Variants in GABBR2 observed in about 807,000 individuals in gnomAD.
The protein encoded by GABBR2 is gamma-aminobutyric acid type B receptor subunit 2.
A neutral mutation model predicts 105.6 loss-of-function variants in GABBR2; 23 were observed. The observed-to-expected ratio is 0.22, with a 90% CI of 0.16 to 0.31. The LOEUF (loss-of-function observed/expected upper bound fraction) is 0.31, where lower values mean the gene tolerates loss of function less well. Among genes scored for constraint, GABBR2 ranks in the 10% least tolerant of loss-of-function variants. The pLI, the probability that GABBR2 is intolerant of heterozygous loss-of-function variation, is 1.00. For synonymous variants in GABBR2, 478 were observed against 499.7 expected (o/e 0.96, Z 0.58); for missense variants, 734 against 1,245.5 (o/e 0.59, Z 6.18).
intron 15 of GABBR2, among the ~76,000 whole-genome samples, chr9:98,305,540 C>T (rs917440630): frequency 2.0e-5 from 3 of 152,174 alleles, no homozygotes; most frequent in East Asian, 1.9e-4. Context: ...ATAGGCTGGG[C>T]GAGGTGGCTC....
chr9:98,366,371 G>T (rs576609374), intron 12 of GABBR2, among the ~76,000 whole-genome samples: 1 of 152,192 alleles, frequency 6.6e-6, no homozygotes, highest in Non-Finnish European at 1.5e-5. Flanking sequence ...GGAGGGTAAG[G>T]TAGAGAAGAG....
intron 13 of GABBR2, among the ~76,000 whole-genome samples, chr9:98,316,059 G>A (rs889843107): frequency 2.0e-5 from 3 of 152,224 alleles, no homozygotes; most frequent in Admixed American, 6.5e-5. Flanking sequence ...CTAAGCCCGG[G>A]CTTCGGCCTC....
At chr9:98,533,130 C>T (rs1384615127) in intron 3 of GABBR2, among the ~76,000 whole-genome samples, 1 of 152,220 alleles carries the variant, frequency 6.6e-6, no homozygotes, top group Non-Finnish European at 1.5e-5. Context: ...CCAGAACTGC[C>T]TGGCCCTTTG....
chr9:98,482,340 G>GA (rs763005713), intron 4 of GABBR2, among the ~76,000 whole-genome samples: 226 of 151,834 alleles, frequency 1.5e-3, no homozygotes, highest in African/African-American at 4.4e-3. Context: ...AAGAAGAGGG[G>GA]AAAAAAAACA....
At chr9:98,393,233 A>G (rs1832224960) in intron 9 of GABBR2, among the ~76,000 whole-genome samples, 1 of 144,132 alleles carries the variant, frequency 6.9e-6, no homozygotes. Flanking sequence ...CCAGCCATCC[A>G]TCTGTCCACC....
Position 98,454,805 on chromosome 9 carries a change from A to G in GABBR2, c.1000-588T>C, listed in dbSNP as rs62574623. Among the ~76,000 whole-genome samples, 1,708 of 136,010 alleles carry G rather than the reference A, an allele frequency of 0.013. 10 individuals are homozygous for G. Among genetic ancestry groups the G allele is most frequent in the Non-Finnish European group, 0.02 (1,291 of 63,736 alleles). 89.2% of individuals were successfully genotyped at this position (136,010 alleles called of 152,430 possible). A position where few individuals can be genotyped will look rare whatever the true frequency, so the allele number is the denominator to read the frequency against. On this transcript the variant is annotated intron_variant, in intron 6 of 18. Coordinates refer to ENST00000259455, the MANE Select transcript of GABBR2 (RefSeq NM_005458.8). The surrounding 1 kb of genome is among the most constrained non-coding windows in gnomAD (Gnocchi z 4.6). ...CCCCTCTCCATCCTGCAGCCCAGCC[A>G]GGCTCAGTCCATACCTCCTTCCCCT... is the stretch of plus-strand genomic sequence containing the variant.
intron 4 of GABBR2, among the ~76,000 whole-genome samples, chr9:98,482,605 C>G (rs2131645223): frequency 6.6e-6 from 1 of 152,240 alleles, no homozygotes; most frequent in South Asian, 2.1e-4. Flanking sequence ...TGTGCCAAAC[C>G]CTGTGTTGCT....
intron 12 of GABBR2, among the ~76,000 whole-genome samples, chr9:98,371,055 C>T (rs948896055): frequency 1.3e-5 from 2 of 152,114 alleles, no homozygotes; most frequent in Non-Finnish European, 2.9e-5. Flanking sequence ...AAGCCCTATG[C>T]CCCAGCCACA....
At chr9:98,571,484 G>A (rs1481808661) in intron 2 of GABBR2, among the ~76,000 whole-genome samples, 1 of 152,152 alleles carries the variant, frequency 6.6e-6, no homozygotes, top group African/African-American at 2.4e-5. Flanking sequence ...GTCTCCAGGG[G>A]CCAACAGCAT....
At chr9:98,491,228 T>C (rs527609199) in intron 4 of GABBR2, among the ~76,000 whole-genome samples, 15 of 152,354 alleles carry the variant, frequency 9.8e-5, no homozygotes, top group African/African-American at 3.4e-4. Flanking sequence ...CACCTGTATC[T>C]TGAACACGCT....
chr9:98,303,059 G>A lies in GABBR2; in HGVS notation c.2412+182C>T, dbSNP rs535623025. 2.0e-5 allele frequency among the ~76,000 whole-genome samples: 3 copies of A among 152,306 alleles called. 1 individual carries two copies. In the South Asian group the frequency reaches 6.2e-4, roughly 32 times the overall value. ...TGAGGTGGGCAATAAGCTCATGTTG[G>A]ATTCTGACAAATGCCTCTGTGTGGT... On this transcript the variant is annotated intron_variant, in intron 16 of 18. Transcript: ENST00000259455.
intron 8 of GABBR2, among the ~76,000 whole-genome samples, chr9:98,403,293 CAAAAAA>C (rs546167489): frequency 2.3e-5 from 2 of 86,124 alleles, no homozygotes; most frequent in East Asian, 3.4e-4. Context: ...GACTCCGTCT[CAAAAAA>C]AAAAAAAAAA....
chr9:98,359,418 A>G (rs1470579093), intron 13 of GABBR2, among the ~76,000 whole-genome samples: 1 of 152,136 alleles, frequency 6.6e-6, no homozygotes, highest in Non-Finnish European at 1.5e-5. Context: ...TGACAGAGTG[A>G]GACTCTGTCT....
At chr9:98,489,657 A>T (rs1827133700) in intron 4 of GABBR2, among the ~76,000 whole-genome samples, 1 of 151,874 alleles carries the variant, frequency 6.6e-6, no homozygotes, top group African/African-American at 2.4e-5. Context: ...ACGTAATATC[A>T]ACTACTGATT....
chr9:98,420,343 C>T (rs563922038), intron 7 of GABBR2, among the ~76,000 whole-genome samples: 11 of 152,190 alleles, frequency 7.2e-5, no homozygotes, highest in African/African-American at 2.7e-4. Flanking sequence ...CAGCCGGCCT[C>T]GACTGACTCT....
intron 13 of GABBR2, among the ~76,000 whole-genome samples, chr9:98,337,242 T>A (rs1450013787): frequency 1.3e-5 from 2 of 152,026 alleles, no homozygotes; most frequent in Non-Finnish European, 2.9e-5. Flanking sequence ...GAGGCGGAGG[T>A]TGCAGTGAGC....
chr9:98,674,110 G>A (rs1418003823), intron 1 of GABBR2, among the ~76,000 whole-genome samples: 2 of 152,078 alleles, frequency 1.3e-5, no homozygotes, highest in African/African-American at 2.4e-5. Flanking sequence ...AGGGAACAGG[G>A]GGTTTTTATA....
At chr9:98,371,927 C>T (rs1831790579) in intron 11 of GABBR2, among the ~76,000 whole-genome samples, 1 of 152,176 alleles carries the variant, frequency 6.6e-6, no homozygotes, top group Non-Finnish European at 1.5e-5. Flanking sequence ...CACTTCCCCT[C>T]CTCCCTTCCT....
intron 3 of GABBR2, among the ~76,000 whole-genome samples, chr9:98,526,592 A>AT (rs1338558112): frequency 3.9e-5 from 6 of 151,998 alleles, no homozygotes; most frequent in Non-Finnish European, 8.8e-5. Flanking sequence ...TTTGCTCATT[A>AT]TTTTTTTAAA....
Sources: gnomAD v4.1 joint callset for allele counts (sites outside exome capture counted in the v4.1 genomes callset) on GRCh38, gnomAD v4.1.1 for gene constraint, Gnocchi (gnomAD v3.1) non-coding constraint, MANE v1.5 for transcripts, NCBI Gene and HGNC (gene_info 2026-07-23, HGNC 2026-07-21) for gene names.